PDE10A: variants seen among roughly 807,000 people sequenced by gnomAD.
PDE10A encodes the protein phosphodiesterase 10A, also known as cAMP and cAMP-inhibited cGMP 3',5'-cyclic phosphodiesterase 10A.
Under a neutral mutation model 97.7 loss-of-function variants are expected in PDE10A, and 39 were observed. The observed-to-expected ratio is 0.40, with a 90% CI of 0.31 to 0.52. PDE10A has a LOEUF of 0.52. Ranked by LOEUF, PDE10A falls within the 20% of genes least tolerant of loss-of-function variation. The probability of loss-of-function intolerance (pLI) is 0.56; values close to 1 mark genes in which losing one functional copy is unlikely to be tolerated. For synonymous variants in PDE10A, 371 were observed against 376.8 expected (o/e 0.98, Z 0.18); for missense variants, 731 against 1,047.8 (o/e 0.70, Z 4.17).
At chr6:165,553,424 A>C (rs1784110310) in intron 1 of PDE10A, among the ~76,000 whole-genome samples, 1 of 152,214 alleles carries the variant, frequency 6.6e-6, no homozygotes, top group Non-Finnish European at 1.5e-5. Context: ...CAAGAAGGAA[A>C]AACAGGAAGC....
intron 1 of PDE10A, among the ~76,000 whole-genome samples, chr6:165,947,628 C>T (rs1250612731): frequency 2.0e-5 from 3 of 152,192 alleles, no homozygotes; most frequent in Admixed American, 6.5e-5. Context: ...GTAGTCATCT[C>T]AAGTTGTGGC....
chr6:165,821,067 G>C (rs1456876157), intron 1 of PDE10A, among the ~76,000 whole-genome samples: 1 of 152,176 alleles, frequency 6.6e-6, no homozygotes, highest in African/African-American at 2.4e-5. Flanking sequence ...TCGGGGACCA[G>C]GGCTGCGGTG....
At chr6:165,736,156 A>C (rs2128452255) in intron 1 of PDE10A, among the ~76,000 whole-genome samples, 1 of 152,338 alleles carries the variant, frequency 6.6e-6, no homozygotes, top group African/African-American at 2.4e-5. Flanking sequence ...CTCAGAAAGA[A>C]GTAGGTGGCA....
chr6:165,898,443 G>C (rs910970209), intron 1 of PDE10A, among the ~76,000 whole-genome samples: 5 of 152,028 alleles, frequency 3.3e-5, no homozygotes, highest in Middle Eastern at 3.2e-3. Flanking sequence ...AGATGAACAG[G>C]CCACTCCAGG....
chr6:165,647,385 G>A (rs1789454727), intron 1 of PDE10A, among the ~76,000 whole-genome samples: 1 of 152,208 alleles, frequency 6.6e-6, no homozygotes. Context: ...ACAGGACCGA[G>A]TGAAGGCGAA....
intron 18 of PDE10A, among the ~76,000 whole-genome samples, chr6:165,374,128 C>T (rs866157947): frequency 2.0e-5 from 3 of 147,802 alleles, no homozygotes; most frequent in Non-Finnish European, 4.5e-5. Context: ...ATACCTAATG[C>T]TAAATGACGA....
chr6:165,657,633 T>C (rs1316336565), intron 1 of PDE10A, among the ~76,000 whole-genome samples: 1 of 152,250 alleles, frequency 6.6e-6, no homozygotes, highest in Non-Finnish European at 1.5e-5. Context: ...GCAGAAATGA[T>C]CTAAGACTAA....
chr6:165,721,662 T>C (rs1792170272), intron 1 of PDE10A, among the ~76,000 whole-genome samples: 1 of 152,218 alleles, frequency 6.6e-6, no homozygotes. Flanking sequence ...GATTTCCCCT[T>C]AGACACTCAT....
chr6:165,712,160 C>T (rs1291084164), intron 1 of PDE10A, among the ~76,000 whole-genome samples: 2 of 152,114 alleles, frequency 1.3e-5, no homozygotes, highest in African/African-American at 2.4e-5. Context: ...AAGGGTTCTA[C>T]GATGCTTTCC....
At chr6:165,511,020 T>G in intron 2 of PDE10A, among the ~76,000 whole-genome samples, 1 of 152,094 alleles carries the variant, frequency 6.6e-6, no homozygotes, top group East Asian at 1.9e-4. Flanking sequence ...AATTTTTTAG[T>G]ATTTCACTTA....
intron 1 of PDE10A, among the ~76,000 whole-genome samples, chr6:165,830,185 A>G (rs1354714624): frequency 2.0e-5 from 3 of 152,180 alleles, no homozygotes; most frequent in Non-Finnish European, 4.4e-5. Flanking sequence ...TGAAAATAGA[A>G]GAATCAGTTT....
intron 7 of PDE10A, among the ~76,000 whole-genome samples, chr6:165,432,133 T>G (rs1007340345): frequency 6.6e-6 from 1 of 152,030 alleles, no homozygotes; most frequent in Non-Finnish European, 1.5e-5. Flanking sequence ...AGAAATGGAG[T>G]GGCCTTCAGT....
intron 1 of PDE10A, among the ~76,000 whole-genome samples, chr6:165,704,998 T>A (rs1791671777): frequency 6.6e-6 from 1 of 152,340 alleles, no homozygotes; most frequent in East Asian, 1.9e-4. Context: ...CACTCTTCAC[T>A]GCAGACCCTG....
intron 1 of PDE10A, among the ~76,000 whole-genome samples, chr6:165,854,799 C>T (rs1780673793): frequency 1.3e-5 from 2 of 152,238 alleles, no homozygotes; most frequent in African/African-American, 4.8e-5. Flanking sequence ...GCGCAGGGCG[C>T]GCCAGGCAGG....
intron 1 of PDE10A, among the ~76,000 whole-genome samples, chr6:165,783,672 T>C (rs1422574037): frequency 6.6e-6 from 1 of 152,200 alleles, no homozygotes; most frequent in African/African-American, 2.4e-5. Context: ...TATCACAGAA[T>C]GAGTCCTTTA....
chr6:165,578,650 A>G (rs987919042), intron 1 of PDE10A, among the ~76,000 whole-genome samples: 1 of 42,456 alleles, frequency 2.4e-5, no homozygotes, highest in African/African-American at 4.0e-5. Flanking sequence ...TACTAAATGC[A>G]TTTACCCTTT....
chr6:165,370,003 A>C (rs954980772), intron 18 of PDE10A, among the ~76,000 whole-genome samples: 10 of 114,922 alleles, frequency 8.7e-5, no homozygotes, highest in Non-Finnish European at 1.4e-4. Flanking sequence ...AAGGAGAAAT[A>C]AAATACTTTA....
intron 1 of PDE10A, among the ~76,000 whole-genome samples, chr6:165,968,897 A>G (rs1784592166): frequency 6.6e-6 from 1 of 152,224 alleles, no homozygotes; most frequent in African/African-American, 2.4e-5. Context: ...CCTGTGGTCA[A>G]TGGGAATCCA....
intron 1 of PDE10A, among the ~76,000 whole-genome samples, chr6:165,852,576 T>C (rs1173848720): frequency 1.3e-5 from 2 of 152,232 alleles, no homozygotes; most frequent in South Asian, 2.1e-4. Flanking sequence ...AATTTTTAAA[T>C]CTTCCTGTGA....
Sources: gnomAD v4.1 joint callset for allele counts (sites outside exome capture counted in the v4.1 genomes callset) on GRCh38, gnomAD v4.1.1 for gene constraint, MANE v1.5 for transcripts, NCBI Gene and HGNC (gene_info 2026-07-23, HGNC 2026-07-21) for gene names.